GOLPH3: variants seen among roughly 807,000 people sequenced by gnomAD.
GOLPH3 encodes golgi phosphoprotein 3, also known as coat protein GPP34.
In GOLPH3, 14 loss-of-function variants were observed where a neutral mutation model predicts 28.5. The observed-to-expected ratio is 0.49, with a 90% CI of 0.32 to 0.77. GOLPH3 has a LOEUF of 0.77. Among genes scored for constraint, GOLPH3 ranks in the 30% least tolerant of loss-of-function variants. The pLI is 0.03. For missense variants in GOLPH3, 350 were observed against 393.7 expected, an observed-to-expected ratio of 0.89 and a Z score of 0.94; for synonymous variants, 158 against 159.2, an observed-to-expected ratio of 0.99 and a Z score of 0.06.
intron 1 of GOLPH3, among the ~76,000 whole-genome samples, chr5:32,172,560 C>G (rs559962054): frequency 1.3e-4 from 20 of 152,026 alleles, no homozygotes; most frequent in African/African-American, 4.8e-4. Flanking sequence ...CTGGGCATGG[C>G]GGCGCACGTC....
chr5:32,142,933 A>G (rs1490291565), intron 2 of GOLPH3, among the ~76,000 whole-genome samples: 2 of 150,804 alleles, frequency 1.3e-5, no homozygotes, highest in Admixed American at 6.6e-5. Context: ...CCCGGCCACC[A>G]CCCCGTCTGG....
chr5:32,156,015 T>TCTCTGGAA (rs1051709719), intron 1 of GOLPH3, among the ~76,000 whole-genome samples: 2 of 122,092 alleles, frequency 1.6e-5, no homozygotes, highest in African/African-American at 5.9e-5. Flanking sequence ...CCCAACAGGG[T>TCTCTGGAA]CTCTGGAAGG....
At chr5:32,163,825 G>T (rs1289880847) in intron 1 of GOLPH3, among the ~76,000 whole-genome samples, 1 of 151,932 alleles carries the variant, frequency 6.6e-6, no homozygotes, top group African/African-American at 2.4e-5. Context: ...AAAATTAAAT[G>T]GTATACTCCA....
At chr5:32,128,754 A>C (rs1745753648) in intron 3 of GOLPH3, among the ~76,000 whole-genome samples, 2 of 152,178 alleles carry the variant, frequency 1.3e-5, no homozygotes, top group Non-Finnish European at 2.9e-5. Context: ...TCTTTAAAGA[A>C]AGACCATAAA....
At chr5:32,151,348 G>A (rs1027182401) in intron 1 of GOLPH3, among the ~76,000 whole-genome samples, 1 of 151,860 alleles carries the variant, frequency 6.6e-6, no homozygotes, top group Non-Finnish European at 1.5e-5. Context: ...AACACAGCGA[G>A]AGCTGTCTCT....
chr5:32,166,135 G>C (rs1176030033), intron 1 of GOLPH3, among the ~76,000 whole-genome samples: 1 of 152,116 alleles, frequency 6.6e-6, no homozygotes, highest in Non-Finnish European at 1.5e-5. Context: ...TCCAATTTAA[G>C]AACTTCTCCA....
At chr5:32,159,528 C>T (rs1384761442) in intron 1 of GOLPH3, among the ~76,000 whole-genome samples, 1 of 152,164 alleles carries the variant, frequency 6.6e-6, no homozygotes, top group African/African-American at 2.4e-5. Context: ...CACTTCACAG[C>T]AGAGAGCACA....
chr5:32,148,111 CA>C (rs144542161), intron 1 of GOLPH3, among the ~76,000 whole-genome samples: 333 of 152,318 alleles, frequency 2.2e-3, no homozygotes, highest in African/African-American at 7.9e-3. Flanking sequence ...GCAAGCTGGA[CA>C]ATGTCCTCTT....
intron 1 of GOLPH3, among the ~76,000 whole-genome samples, chr5:32,160,515 A>G (rs1428483335): frequency 1.3e-5 from 2 of 152,236 alleles, no homozygotes; most frequent in African/African-American, 4.8e-5. Context: ...TACAATTTCA[A>G]TGTGATTATC....
intron 2 of GOLPH3, among the ~76,000 whole-genome samples, chr5:32,142,991 G>C (rs557882973): frequency 6.6e-6 from 1 of 152,150 alleles, no homozygotes; most frequent in Non-Finnish European, 1.5e-5. Flanking sequence ...TGACAAGGGC[G>C]GTTTTGTGGA....
At chr5:32,136,378 G>A (rs1745932192) in intron 2 of GOLPH3, among the ~76,000 whole-genome samples, 1 of 150,598 alleles carries the variant, frequency 6.6e-6, no homozygotes, top group Non-Finnish European at 1.5e-5. Flanking sequence ...CTACTCTGGA[G>A]GCTGAGGCAG....
chr5:32,127,520 C>A (rs940566459), intron 3 of GOLPH3, among the ~76,000 whole-genome samples: 2 of 152,214 alleles, frequency 1.3e-5, no homozygotes, highest in African/African-American at 4.8e-5. Flanking sequence ...GGAGCCATTA[C>A]CCACATAGAG....
chr5:32,146,912 AAAC>A (rs1165038651), intron 1 of GOLPH3, among the ~76,000 whole-genome samples: 49 of 151,932 alleles, frequency 3.2e-4, no homozygotes, highest in African/African-American at 1.1e-3. Context: ...GAGCTAAAGA[AAAC>A]AAAAAAAAAA....
At chr5:32,159,930 G>T (rs1581554424) in intron 1 of GOLPH3, among the ~76,000 whole-genome samples, 1 of 152,142 alleles carries the variant, frequency 6.6e-6, no homozygotes, top group African/African-American at 2.4e-5. Context: ...TTTAAGTTGA[G>T]GACATTTTGA....
intron 1 of GOLPH3, among the ~76,000 whole-genome samples, chr5:32,166,124 C>G (rs1407275091): frequency 1.3e-5 from 2 of 152,220 alleles, no homozygotes; most frequent in African/African-American, 4.8e-5. Flanking sequence ...GCTCTGTTCA[C>G]TCCAATTTAA....
chr5:32,135,671 C>G lies in GOLPH3; in HGVS notation c.373G>C (p.Asp125His). Residue 125 changes from aspartate (D) to histidine (H), a missense_variant, in exon 3 of 4, where the codon GAT becomes CAT. By Grantham distance (81) the Asp-to-His change is moderately conservative (BLOSUM62 -1). Transcript: ENST00000265070. Reference sequence around the variant, plus strand: ...AGAAGAACATCCCCTGTTGGAGCATCTGACTTACAGATTACCTAAAAAGAA... The same window carrying G: ...AGAAGAACATCCCCTGTTGGAGCATGTGACTTACAGATTACCTAAAAAGAA... Reference protein sequence around the residue: ...LLTRKVICKSDAPTGDVLLDE... With the variant: ...LLTRKVICKSHAPTGDVLLDE... The G allele has an allele frequency of 2.5e-6, 4 of 1,610,594 alleles. No homozygotes were observed. The highest frequency in any genetic ancestry group is 2.5e-6 in the Non-Finnish European group (3 of 1,176,982).
intron 1 of GOLPH3, among the ~76,000 whole-genome samples, chr5:32,155,141 TG>T (rs941909822): frequency 2.1e-4 from 32 of 151,794 alleles, no homozygotes; most frequent in African/African-American, 7.5e-4. Context: ...ATTATGGTGA[TG>T]GATACACAAC....
At chr5:32,167,992 C>T (rs1746753076) in intron 1 of GOLPH3, among the ~76,000 whole-genome samples, 1 of 151,982 alleles carries the variant, frequency 6.6e-6, no homozygotes, top group Non-Finnish European at 1.5e-5. Flanking sequence ...TAATGAACTT[C>T]AAAAGTAATT....
intron 2 of GOLPH3, among the ~76,000 whole-genome samples, chr5:32,139,343 A>G (rs562094558): frequency 4.6e-4 from 68 of 148,518 alleles, no homozygotes; most frequent in African/African-American, 1.7e-3. Flanking sequence ...AACATTTTAT[A>G]TAAGAAACTT....
Sources: allele counts gnomAD v4.1 joint callset (sites outside exome capture counted in the v4.1 genomes callset), GRCh38; gene constraint gnomAD v4.1.1; transcripts MANE v1.5; gene names NCBI Gene and HGNC (gene_info 2026-07-23, HGNC 2026-07-21).